Variants in TSPAN9 observed in about 807,000 individuals in gnomAD.
The protein encoded by TSPAN9 is tetraspanin 9, also known as tetraspanin-9.
Under a neutral mutation model 31.0 loss-of-function variants are expected in TSPAN9, and 16 were observed. That is an observed-to-expected ratio of 0.52 (90% CI 0.35 to 0.78). The LOEUF is 0.78. Among genes scored for constraint, TSPAN9 ranks in the 30% least tolerant of loss-of-function variants. TSPAN9 has a pLI of 0.01. For synonymous variants in TSPAN9, 145 were observed against 121.6 expected (o/e 1.19, Z -1.27); for missense variants, 272 against 312.5 (o/e 0.87, Z 0.98).
intron 2 of TSPAN9, among the ~76,000 whole-genome samples, chr12:3,087,212 G>A (rs892871680): frequency 1.3e-5 from 2 of 152,192 alleles, no homozygotes; most frequent in African/African-American, 2.4e-5. Context: ...AGGGGCCCAC[G>A]TGTGCACTCT....
chr12:3,128,727 C>T (rs577346250), intron 2 of TSPAN9, among the ~76,000 whole-genome samples: 4 of 152,334 alleles, frequency 2.6e-5, no homozygotes, highest in African/African-American at 9.6e-5. Flanking sequence ...TGAGATTCAG[C>T]ACCTCATCAC....
chr12:3,247,813 A>AT (rs1299384554), intron 3 of TSPAN9, among the ~76,000 whole-genome samples: 2 of 151,986 alleles, frequency 1.3e-5, no homozygotes, highest in African/African-American at 2.4e-5. Flanking sequence ...CCCCTGGGCT[A>AT]TTTGTTTCCC....
intron 2 of TSPAN9, among the ~76,000 whole-genome samples, chr12:3,159,432 C>T (rs2098343915): frequency 6.6e-6 from 1 of 152,162 alleles, no homozygotes; most frequent in African/African-American, 2.4e-5. Flanking sequence ...GTTACAGGCT[C>T]AATTTTGCCC....
chr12:3,095,632 A>ACCCC (rs750007843), intron 2 of TSPAN9, among the ~76,000 whole-genome samples: 1,080 of 93,742 alleles, frequency 0.012, 28 homozygotes, highest in African/African-American at 0.04. Flanking sequence ...CGGAGGGCTG[A>ACCCC]CCCCCCCCAC....
chr12:3,271,366 T>C (rs1179959990), intron 3 of TSPAN9, among the ~76,000 whole-genome samples: 7 of 152,070 alleles, frequency 4.6e-5, no homozygotes, highest in Admixed American at 4.6e-4. Flanking sequence ...GCTCAGAACG[T>C]AGGAGGGGAA....
rs575805956 is a variant in TSPAN9 at position 3,185,731 on chromosome 12, C to T, written c.-17-15446C>T. Among the ~76,000 whole-genome samples the T allele has an allele frequency of 1.7e-4, 26 of 152,352 alleles. No individual in the cohort carries two copies. In the South Asian group the frequency reaches 3.5e-3, roughly 21 times the overall value. ...GCCTGAGGCCTGATGGGGCAGCCGC[C>T]TGGGCTTGGGGCTCTACTGGCTTTA... On this transcript the variant is annotated intron_variant, in intron 2 of 8. Transcript: ENST00000011898.
At chr12:3,100,083 A>G (rs963335173) in intron 2 of TSPAN9, among the ~76,000 whole-genome samples, 5 of 151,996 alleles carry the variant, frequency 3.3e-5, no homozygotes, top group African/African-American at 1.2e-4. Context: ...CCTCATGGTG[A>G]TCCGCCCGCC....
At chr12:3,201,847 AG>A (rs1419506874) in intron 3 of TSPAN9, among the ~76,000 whole-genome samples, 1 of 152,076 alleles carries the variant, frequency 6.6e-6, no homozygotes, top group Non-Finnish European at 1.5e-5. Flanking sequence ...TATGCTCCCG[AG>A]TTGGGGCCTG....
At position 3,079,653 on chromosome 12, in the gene TSPAN9, A is replaced by T. The variant is rs1591617018; in HGVS notation, c.-85+2200A>T. Among the ~76,000 whole-genome samples the T allele has an allele frequency of 3.3e-5, 5 of 150,264 alleles. No individual in the cohort carries two copies. In the South Asian group the frequency reaches 1.1e-3, roughly 32 times the overall value. On this transcript the variant is annotated intron_variant, in intron 1 of 8. Transcript: ENST00000011898. ...ATTTTTGTATTTTTAGTAGAGATGGAGTTTCGCCATGTTGGCCAGACTGGT... is the reference window on the plus strand; with the variant it reads ...ATTTTTGTATTTTTAGTAGAGATGGTGTTTCGCCATGTTGGCCAGACTGGT...
intron 2 of TSPAN9, among the ~76,000 whole-genome samples, chr12:3,195,008 A>C (rs1016605717): frequency 5.9e-5 from 9 of 152,358 alleles, no homozygotes; most frequent in Admixed American, 2.6e-4. Context: ...GGGGGAGGTG[A>C]GTAGCTCTCC....
At chr12:3,153,420 G>T (rs2098340784) in intron 2 of TSPAN9, among the ~76,000 whole-genome samples, 1 of 151,782 alleles carries the variant, frequency 6.6e-6, no homozygotes, top group South Asian at 2.1e-4. Context: ...TTTTTTACAT[G>T]GTTATAGTCA....
chr12:3,274,542 CA>C (rs1365438681), intron 3 of TSPAN9, among the ~76,000 whole-genome samples: 1 of 151,752 alleles, frequency 6.6e-6, no homozygotes, highest in Non-Finnish European at 1.5e-5. Context: ...TGGTGCCTGT[CA>C]CCTGTCAGTC....
intron 2 of TSPAN9, among the ~76,000 whole-genome samples, chr12:3,089,757 A>G (rs1363544983): frequency 1.3e-5 from 2 of 151,574 alleles, no homozygotes; most frequent in Admixed American, 6.6e-5. Flanking sequence ...CAAAAAATTA[A>G]AAAACGTAGC....
intron 2 of TSPAN9, among the ~76,000 whole-genome samples, chr12:3,167,235 T>A (rs11837931): frequency 0.042 from 6,435 of 152,168 alleles, 447 homozygotes; most frequent in African/African-American, 0.15. Flanking sequence ...CTCTCACTAA[T>A]GAGATATCTC....
intron 2 of TSPAN9, among the ~76,000 whole-genome samples, chr12:3,182,148 T>C (rs1287034670): frequency 1.3e-5 from 2 of 152,036 alleles, no homozygotes; most frequent in Non-Finnish European, 2.9e-5. Flanking sequence ...TGTGGGGCGC[T>C]ACCAACCCTT....
intron 3 of TSPAN9, among the ~76,000 whole-genome samples, chr12:3,237,249 G>C (rs57511254): frequency 0.38 from 58,029 of 152,028 alleles, 11,405 homozygotes; most frequent in African/African-American, 0.47. Context: ...CTGTGTCAGC[G>C]GCTCTATAGG....
In TSPAN9 at chr12:3,145,245, G is replaced by A. The variant is rs369884778; in HGVS notation, c.-17-55932G>A. ...CATTCACCTCTAGACTCTTGAGCACGTGCACAGCTCTCAGTGCCAGCTCAA... is the reference window on the plus strand; with the variant it reads ...CATTCACCTCTAGACTCTTGAGCACATGCACAGCTCTCAGTGCCAGCTCAA... On this transcript the variant is annotated intron_variant, in intron 2 of 8. Transcript: ENST00000011898. 5.9e-5 allele frequency among the ~76,000 whole-genome samples: 9 copies of A among 152,196 alleles called. No individual in the cohort carries two copies. The East Asian group carries it at 7.7e-4, about 13-fold the overall frequency.
intron 2 of TSPAN9, among the ~76,000 whole-genome samples, chr12:3,116,265 T>C (rs1276981629): frequency 6.6e-6 from 1 of 152,160 alleles, no homozygotes; most frequent in African/African-American, 2.4e-5. Flanking sequence ...GGCTTCAGAC[T>C]GGGGTTCACA....
rs957698369 is a variant in TSPAN9, at chr12:3,285,808, G to A, written c.*2692G>A. On this transcript the variant is annotated 3_prime_UTR_variant, in exon 9 of 9. Coordinates refer to ENST00000011898, the MANE Select transcript of TSPAN9 (RefSeq NM_006675.5). The stretch of plus-strand genomic sequence containing the variant: ...TCAGGGTTTGTAGAGGACTGCAGGG[G>A]GGCATCCGCTGCAGACTCAGCCTTT... 2.6e-5 allele frequency: 4 copies of A among 152,278 alleles called. No individual in the cohort carries two copies. The highest frequency in any genetic ancestry group is 9.6e-5 in the African/African-American group (4 of 41,468). 9.4% of individuals were successfully genotyped at this position (152,278 alleles called of 1,614,324 possible).
Sources: allele counts gnomAD v4.1 joint callset (sites outside exome capture counted in the v4.1 genomes callset), GRCh38; gene constraint gnomAD v4.1.1; transcripts MANE v1.5; gene names NCBI Gene and HGNC (gene_info 2026-07-23, HGNC 2026-07-21).